Variants in HMGB1 observed in about 807,000 individuals in gnomAD.
HMGB1 encodes the protein high mobility group protein B1.
For synonymous variants in HMGB1, 81 were observed against 84.0 expected (o/e 0.96, Z 0.19); for missense variants, 79 against 253.5 (o/e 0.31, Z 4.67).
At chr13:30,519,400 A>T (rs1888178924) in intron 1 of HMGB1, among the ~76,000 whole-genome samples, 1 of 147,376 alleles carries the variant, frequency 6.8e-6, no homozygotes, top group Non-Finnish European at 1.5e-5. Context: ...CTCAAAAAAA[A>T]AAAAAAGTAA....
chr13:30,611,199 C>T (rs1950509581), intron 1 of HMGB1, among the ~76,000 whole-genome samples: 1 of 151,514 alleles, frequency 6.6e-6, no homozygotes, highest in Non-Finnish European at 1.5e-5. Flanking sequence ...GTAAATACTG[C>T]TTTTTTTTTG....
intron 1 of HMGB1, among the ~76,000 whole-genome samples, chr13:30,614,709 T>C (rs1274958212): frequency 6.6e-6 from 1 of 152,044 alleles, no homozygotes; most frequent in African/African-American, 2.4e-5. Context: ...TTGTTTTTGT[T>C]TTTTTGAGAT....
At chr13:30,516,059 C>T (rs1888095195) in intron 1 of HMGB1, among the ~76,000 whole-genome samples, 4 of 152,226 alleles carry the variant, frequency 2.6e-5, no homozygotes, top group Admixed American at 6.5e-5. Flanking sequence ...TCCATATTAC[C>T]GTATTAAAAA....
At chr13:30,509,246 C>CTTTTTTTTTT (rs577983392) in intron 1 of HMGB1, among the ~76,000 whole-genome samples, 3,849 of 142,790 alleles carry the variant, frequency 0.027, 206 homozygotes, top group African/African-American at 0.097. Flanking sequence ...CACCAATATT[C>CTTTTTTTTTT]TTTTTTTTTT....
intron 1 of HMGB1, among the ~76,000 whole-genome samples, chr13:30,538,497 T>TCTCTTTC (rs1555238750): frequency 1.5e-4 from 7 of 46,880 alleles, no homozygotes; most frequent in African/African-American, 5.6e-4. Context: ...TTTCTTTCTT[T>TCTCTTTC]CTTTCTTTCT....
intron 1 of HMGB1, among the ~76,000 whole-genome samples, chr13:30,581,318 T>C (rs1870893168): frequency 6.6e-6 from 1 of 152,176 alleles, no homozygotes; most frequent in African/African-American, 2.4e-5. Context: ...CAGCTTTTGA[T>C]GATAGCTGAA....
At chr13:30,498,512 C>A (rs562719034) in intron 1 of HMGB1, among the ~76,000 whole-genome samples, 14 of 152,120 alleles carry the variant, frequency 9.2e-5, no homozygotes, top group African/African-American at 3.4e-4. Flanking sequence ...GCAAGGTCTA[C>A]ATCACTCACT....
intron 1 of HMGB1, among the ~76,000 whole-genome samples, chr13:30,579,974 G>A (rs779412307): frequency 6.6e-6 from 1 of 152,176 alleles, no homozygotes; most frequent in Non-Finnish European, 1.5e-5. Flanking sequence ...GCTCAATTGG[G>A]AGAAAATGAC....
intron 1 of HMGB1, among the ~76,000 whole-genome samples, chr13:30,514,823 C>A (rs925891186): frequency 6.6e-6 from 1 of 152,106 alleles, no homozygotes; most frequent in South Asian, 2.1e-4. Flanking sequence ...AACTGTTCAA[C>A]TTGGGAGTAC....
intron 1 of HMGB1, among the ~76,000 whole-genome samples, chr13:30,607,856 G>A (rs371504820): frequency 3.9e-5 from 6 of 152,066 alleles, no homozygotes; most frequent in Non-Finnish European, 7.4e-5. Flanking sequence ...ACCATGAAAC[G>A]ATTTTATTGG....
chr13:30,599,426 C>T (rs963734769), intron 1 of HMGB1, among the ~76,000 whole-genome samples: 2 of 152,156 alleles, frequency 1.3e-5, no homozygotes, highest in African/African-American at 4.8e-5. Flanking sequence ...TGAGATCAGG[C>T]CATTGTACTC....
chr13:30,558,708 T>C (rs1181557081), intron 1 of HMGB1, among the ~76,000 whole-genome samples: 1 of 152,202 alleles, frequency 6.6e-6, no homozygotes, highest in African/African-American at 2.4e-5. Flanking sequence ...GTCCCCCAGA[T>C]ACTGCAAATG....
chr13:30,591,024 G>A (rs1871342933), intron 1 of HMGB1, among the ~76,000 whole-genome samples: 1 of 146,814 alleles, frequency 6.8e-6, no homozygotes, highest in Admixed American at 6.7e-5. Flanking sequence ...AAGGAGGCAG[G>A]GCCTTTTTTT....
chr13:30,496,525 G>A lies in HMGB1; in HGVS notation c.-14-32831C>T, dbSNP rs191713214. Among the ~76,000 whole-genome samples, 234 of 152,296 alleles carry A rather than the reference G, an allele frequency of 1.5e-3. 1 individual carries two copies. The highest frequency in any genetic ancestry group is 5.5e-3 in the African/African-American group (227 of 41,562). On this transcript the variant is annotated intron_variant, in intron 1 of 4. Coordinates refer to the HMGB1 transcript ENST00000405805. ...AAAAGTACATGGCAGTTCAGACACT[G>A]TGCATCAAACAAAAACCTTACCTAA... is the stretch of plus-strand genomic sequence containing the variant.
chr13:30,539,946 T>C, intron 1 of HMGB1: 1 of 158,996 alleles, frequency 6.3e-6, no homozygotes, highest in Non-Finnish European at 1.4e-5. Flanking sequence ...ATTAAAGGAC[T>C]TCTCAGCAGC....
chr13:30,538,065 T>A (rs908892021), intron 1 of HMGB1, among the ~76,000 whole-genome samples: 4 of 152,182 alleles, frequency 2.6e-5, no homozygotes, highest in Non-Finnish European at 5.9e-5. Flanking sequence ...CAAAGGTGAA[T>A]GTGGAAGATC....
intron 1 of HMGB1, among the ~76,000 whole-genome samples, chr13:30,553,316 G>C (rs1169353295): frequency 6.6e-6 from 1 of 152,120 alleles, no homozygotes; most frequent in South Asian, 2.1e-4. Context: ...CTTTGCTTTC[G>C]GGAGAGCCCA....
chr13:30,462,078 T>G (rs1239285703), intron 4 of HMGB1, among the ~76,000 whole-genome samples: 1 of 152,256 alleles, frequency 6.6e-6, no homozygotes, highest in Non-Finnish European at 1.5e-5. Context: ...TTCCTTAATC[T>G]TATTAATTTA....
intron 1 of HMGB1, among the ~76,000 whole-genome samples, chr13:30,504,831 A>G (rs1887814189): frequency 6.6e-6 from 1 of 151,834 alleles, no homozygotes; most frequent in Non-Finnish European, 1.5e-5. Flanking sequence ...GGAGAGCTAC[A>G]AACCAGCAGT....
Sources: allele counts gnomAD v4.1 joint callset (sites outside exome capture counted in the v4.1 genomes callset), GRCh38; gene constraint gnomAD v4.1.1; transcripts MANE v1.5; gene names NCBI Gene and HGNC (gene_info 2026-07-23, HGNC 2026-07-21).